Variants in CACNA1B observed in about 807,000 individuals in gnomAD.
CACNA1B encodes the protein calcium voltage-gated channel subunit alpha1 B.
In CACNA1B, 70 loss-of-function variants were observed where a neutral mutation model predicts 247.2. The observed-to-expected ratio is 0.28, with a 90% CI of 0.23 to 0.35. The LOEUF (loss-of-function observed/expected upper bound fraction) is 0.35, where lower values mean the gene tolerates loss of function less well. CACNA1B is among the 10% of genes least tolerant of loss of function. The pLI is 1.00. For missense variants in CACNA1B, 2,367 were observed against 3,197.4 expected (o/e 0.74, Z 6.26); for synonymous variants, 1,231 against 1,294.4 (o/e 0.95, Z 1.05).
At chr9:138,032,073 G>T (rs573877683) in intron 20 of CACNA1B, among the ~76,000 whole-genome samples, 1 of 151,600 alleles carries the variant, frequency 6.6e-6, no homozygotes, top group Admixed American at 6.6e-5. Flanking sequence ...CATTTCTCTG[G>T]TTTCCTTTTT....
At chr9:138,071,047 G>A (rs1481742254) in intron 32 of CACNA1B, among the ~76,000 whole-genome samples, 1 of 152,250 alleles carries the variant, frequency 6.6e-6, no homozygotes, top group Non-Finnish European at 1.5e-5. Flanking sequence ...AGGGGATGCT[G>A]GTCTTGGTCC....
intron 40 of CACNA1B, among the ~76,000 whole-genome samples, chr9:138,113,564 G>GC (rs1961739894): frequency 7.0e-6 from 1 of 143,616 alleles, no homozygotes; most frequent in Admixed American, 6.8e-5. Flanking sequence ...GCAGGAAGGT[G>GC]CCCAACTGCA....
chr9:137,885,921 C>T (rs377183570), intron 3 of CACNA1B, among the ~76,000 whole-genome samples: 1,740 of 150,368 alleles, frequency 0.012, 36 homozygotes, highest in African/African-American at 0.04. Context: ...TTGTGTGTGC[C>T]CAGGGCCTCC....
chr9:137,995,953 C>T (rs1958495247), intron 15 of CACNA1B, among the ~76,000 whole-genome samples: 1 of 152,218 alleles, frequency 6.6e-6, no homozygotes, highest in Admixed American at 6.5e-5. Flanking sequence ...ATAAAAACCA[C>T]AGTGTGATAC....
In CACNA1B at chr9:138,010,203, G is replaced by C; in HGVS notation, c.2160+126G>C. 1 of 707,936 alleles carries C rather than the reference G, an allele frequency of 1.4e-6. No individual in the cohort carries two copies. The highest frequency in any genetic ancestry group is 1.8e-5 in the African/African-American group (1 of 56,856). The allele number at this position is 707,936 out of a possible 1,614,324, so 43.9% of individuals were successfully genotyped here. On this transcript the variant is annotated intron_variant, in intron 17 of 46. Coordinates refer to ENST00000371372, the MANE Select transcript of CACNA1B (RefSeq NM_000718.4). This position sits in a 1 kb window ranked among gnomAD's most constrained non-coding sequence, Gnocchi z 5.3. ...GCGTTGCCTTGGGTCCTGGCGGGCA[G>C]AGGCTGGTCTGTCACTCAGGGGCTG...
rs890047135 is a variant in CACNA1B at position 138,052,638 on chromosome 9, G to A, written c.3807+450G>A. On this transcript the variant is annotated intron_variant, in intron 25 of 46. Transcript: ENST00000371372. The surrounding 1 kb of genome is among the most constrained non-coding windows in gnomAD (Gnocchi z 5.1). ...TGTGAGCTTGTGCTAGGCCCTGTGC[G>A]AATTGCTTCATGTGCTTCAGCTCAC... Among the ~76,000 whole-genome samples, 7 of 152,230 alleles carry A rather than the reference G, an allele frequency of 4.6e-5. No individual in the cohort carries two copies. Among genetic ancestry groups the A allele is most frequent in the Admixed American group, 2.0e-4 (3 of 15,286 alleles).
Position 138,058,558 on chromosome 9 carries a change from T to G in CACNA1B, c.4309-11T>G. On this transcript the variant is annotated splice_polypyrimidine_tract_variant and intron_variant, in intron 28 of 46. Transcript: ENST00000371372. The surrounding 1 kb of genome is among the most constrained non-coding windows in gnomAD (Gnocchi z 4.7). ...GCTTCTGAGTCTCTGTGCTCCTTTC[T>G]CCCCTTACAGAGGGCTTGCATTGAC... The G allele has an allele frequency of 6.2e-7, 1 of 1,604,330 alleles. No individual in the cohort carries two copies. The highest frequency in any genetic ancestry group is 1.1e-5 in the South Asian group (1 of 89,766).
chr9:137,953,610 C>T (rs763249805), intron 7 of CACNA1B, among the ~76,000 whole-genome samples: 1 of 152,120 alleles, frequency 6.6e-6, no homozygotes, highest in Non-Finnish European at 1.5e-5. Flanking sequence ...GGGTAGCTGG[C>T]GGAGGCTTGA....
At chr9:138,078,752 G>C (rs1373575828) in intron 36 of CACNA1B, among the ~76,000 whole-genome samples, 1 of 152,210 alleles carries the variant, frequency 6.6e-6, no homozygotes, top group Non-Finnish European at 1.5e-5. Context: ...CAGAGCGAGT[G>C]AGGAGACGAC....
At chr9:137,879,031 C>T (rs773290935) in intron 1 of CACNA1B, 23 bp from the exon 2 acceptor site, 12 of 1,529,494 alleles carry the variant, frequency 7.8e-6, no homozygotes, top group Non-Finnish European at 1.1e-5. Context: ...CGGCGTCTGC[C>T]GGCCAGTCCT....
At chr9:138,088,342 C>G (rs1960769087) in intron 36 of CACNA1B, among the ~76,000 whole-genome samples, 2 of 151,392 alleles carry the variant, frequency 1.3e-5, no homozygotes, top group Non-Finnish European at 2.9e-5. Context: ...GCACTCCAGC[C>G]TGGGTGACAA....
rs62580948 is a variant in CACNA1B at position 138,077,861 on chromosome 9, G to T, written c.4950-253G>T. Among the ~76,000 whole-genome samples, 1,723 of 152,370 alleles carry T rather than the reference G, an allele frequency of 0.011. 16 individuals carry two copies. The highest frequency in any genetic ancestry group is 0.014 in the Non-Finnish European group (965 of 68,030). On this transcript the variant is annotated intron_variant, in intron 35 of 46. Transcript: ENST00000371372. ...TGGGGCCTGTGGTGTCCACAAAGAA[G>T]TGCTCGCCCTGGCGCTGGCCCCTGG...
chr9:137,942,238 A>G (rs1021066582), intron 6 of CACNA1B, among the ~76,000 whole-genome samples: 2 of 152,228 alleles, frequency 1.3e-5, no homozygotes, highest in African/African-American at 4.8e-5. Context: ...CAACATCACT[A>G]ATGATTAGGG....
rs1958871129 is a variant in CACNA1B, at chr9:138,023,169, T to G, written c.2426T>G (p.Met809Arg). ...ACTACGCGCCACCTGCGGCCCGACA[T>G]GAAGACGCACCTGGACCGGCCGCTG... The part of the protein sequence containing the change: ...FATTRHLRPD[M>R]KTHLDRPLVV... Residue 809 changes from methionine to arginine, a missense_variant, in exon 19 of 47, where the codon ATG (methionine) becomes AGG (arginine). By Grantham distance (91) the Met-to-Arg change is moderately conservative. This residue lies in a region of CACNA1B where 631 missense variants were observed against 631.1 expected (regional missense o/e 1.00). Transcript: ENST00000371372. 4.6e-6 allele frequency: 7 copies of G among 1,533,606 alleles called. No individual in the cohort carries two copies. In the South Asian group the frequency reaches 6.0e-5, roughly 13 times the overall value. The allele number at this position is 1,533,606 out of a possible 1,614,324, so 95.0% of individuals were successfully genotyped here.
chr9:138,073,622 C>T lies in CACNA1B; in HGVS notation c.4791+18C>T. On this transcript the variant is annotated intron_variant, in intron 33 of 46. Coordinates refer to ENST00000371372, the MANE Select transcript of CACNA1B (RefSeq NM_000718.4). The surrounding 1 kb of genome is among the most constrained non-coding windows in gnomAD (Gnocchi z 6.4). ...CCTTCAAGGTGGGCCAGGCGGGGGG[C>T]CTCCATGCTTTCTGTCCCCTTCCTC... The T allele has an allele frequency of 1.5e-6, 2 of 1,378,492 alleles. No homozygotes were observed. Among genetic ancestry groups the T allele is most frequent in the African/African-American group, 1.4e-5 (1 of 70,346 alleles). 85.4% of individuals were successfully genotyped at this position (1,378,492 alleles called of 1,614,324 possible). A position where few individuals can be genotyped will look rare whatever the true frequency, so the allele number is the denominator to read the frequency against.
rs950584908 is a variant in CACNA1B, at chr9:138,059,478, T to C, written c.4585-176T>C. ...GCCCAGAGGTATCTGTGTCCCTGGC[T>C]TTGACATCTGCTTACCTCTGGCCTT... On this transcript the variant is annotated intron_variant, in intron 30 of 46. Coordinates refer to ENST00000371372, the MANE Select transcript of CACNA1B (RefSeq NM_000718.4). This position sits in a 1 kb window ranked among gnomAD's most constrained non-coding sequence, Gnocchi z 4.2. Among the ~76,000 whole-genome samples, 3 of 152,170 alleles carry C rather than the reference T, an allele frequency of 2.0e-5. No individual in the cohort carries two copies. The highest frequency in any genetic ancestry group is 2.0e-4 in the Admixed American group (3 of 15,288).
chr9:138,022,585 C>T (rs1286245054), intron 18 of CACNA1B, among the ~76,000 whole-genome samples: 1 of 152,068 alleles, frequency 6.6e-6, no homozygotes, highest in East Asian at 1.9e-4. Flanking sequence ...GGCCAGCTCC[C>T]AGGGAGGCTA....
In CACNA1B at chr9:137,882,373, G is replaced by A. The variant is rs116491534; in HGVS notation, c.391-371G>A. Reference sequence around the variant, plus strand: ...CTGATAAGCACCCACAACTAGTACTGTTACATCACTGTCTTCCCCGAAGCA... The same window carrying A: ...CTGATAAGCACCCACAACTAGTACTATTACATCACTGTCTTCCCCGAAGCA... On this transcript the variant is annotated intron_variant, in intron 2 of 46. Coordinates refer to ENST00000371372, the MANE Select transcript of CACNA1B (RefSeq NM_000718.4). This position sits in a 1 kb window ranked among gnomAD's most constrained non-coding sequence, Gnocchi z 4.0. Among the ~76,000 whole-genome samples, 1,168 of 152,290 alleles carry A rather than the reference G, an allele frequency of 7.7e-3. 15 individuals carry two copies. The highest frequency in any genetic ancestry group is 0.027 in the African/African-American group (1,126 of 41,544).
intron 20 of CACNA1B, among the ~76,000 whole-genome samples, chr9:138,028,438 T>C (rs975176385): frequency 7.9e-5 from 12 of 152,228 alleles, no homozygotes; most frequent in Non-Finnish European, 1.3e-4. Flanking sequence ...ACAGTCATAA[T>C]AGAACATAAA....
Sources: gnomAD v4.1 joint callset for allele counts (sites outside exome capture counted in the v4.1 genomes callset) on GRCh38, gnomAD v4.1.1 for gene constraint, gnomAD v4.1.1 regional missense constraint, Gnocchi (gnomAD v3.1) non-coding constraint, MANE v1.5 for transcripts, NCBI Gene and HGNC (gene_info 2026-07-23, HGNC 2026-07-21) for gene names.